Variants in LNX1 observed in about 807,000 individuals in gnomAD.
LNX1 encodes the protein E3 ubiquitin-protein ligase LNX.
In LNX1, 54 loss-of-function variants were observed where a neutral mutation model predicts 68.4. The ratio of observed to expected loss-of-function variants is 0.79; its 90% CI spans 0.63 to 0.99. The LOEUF (loss-of-function observed/expected upper bound fraction) is 0.99. LNX1 is among the 50% of genes least tolerant of loss of function. The pLI, the probability that LNX1 is intolerant of heterozygous loss-of-function variation, is 0.00. For synonymous variants in LNX1, 336 were observed against 350.0 expected (o/e 0.96, Z 0.45); for missense variants, 906 against 926.4 (o/e 0.98, Z 0.29).
At chr4:53,544,364 T>G (rs1728956762) in intron 2 of LNX1, among the ~76,000 whole-genome samples, 1 of 152,188 alleles carries the variant, frequency 6.6e-6, no homozygotes, top group African/African-American at 2.4e-5. Context: ...TGGCTAATTT[T>G]CTGCATTTTT....
intron 2 of LNX1, among the ~76,000 whole-genome samples, chr4:53,567,691 A>C (rs2109759781): frequency 6.6e-6 from 1 of 152,348 alleles, no homozygotes; most frequent in South Asian, 2.1e-4. Flanking sequence ...CCTTCAAAAA[A>C]TTGATGAATC....
intron 2 of LNX1, among the ~76,000 whole-genome samples, chr4:53,526,287 G>A (rs1560646139): frequency 6.6e-6 from 1 of 152,100 alleles, no homozygotes; most frequent in African/African-American, 2.4e-5. Flanking sequence ...TATGAATGTT[G>A]ATGTAAAATG....
upstream of LNX1, among the ~76,000 whole-genome samples, chr4:53,596,010 A>G (rs1462846821): frequency 1.3e-5 from 2 of 152,166 alleles, no homozygotes; most frequent in African/African-American, 2.4e-5. Flanking sequence ...ATTTAACATT[A>G]TGATTTGGAC....
rs748886508 is a variant in LNX1 at position 53,496,179 on chromosome 4, C to T, written c.1194G>A (p.Val398=). ...AAACCCCAGGCTCATCCACCTTGCG[C>T]ACCAGTTTTATTCCAAGCTGCTCCT... ...SPEEQLGIKL[V]RKVDEPGVFI... The change falls in exon 6 of 11, where the codon GTG becomes GTA. Residue 398 remains valine (V), a synonymous_variant. Coordinates refer to ENST00000263925, the MANE Select transcript of LNX1 (RefSeq NM_001126328.3). 36 of 1,614,046 alleles carry T rather than the reference C, an allele frequency of 2.2e-5. 1 individual carries two copies. The South Asian group carries it at 3.7e-4, about 17-fold the overall frequency.
rs1485067982 is a variant in LNX1, at chr4:53,469,947, T to C, written c.1892+6806A>G. Among the ~76,000 whole-genome samples the C allele has an allele frequency of 3.3e-5, 5 of 152,304 alleles. No homozygotes were observed. The East Asian group carries it at 9.7e-4, about 29-fold the overall frequency. ...GCTGGTACCATTCCTTCTGAAACTA[T>C]TCCAATCAATAGAAAAAGAGGGAAT... On this transcript the variant is annotated intron_variant, in intron 9 of 10. Coordinates refer to ENST00000263925, the MANE Select transcript of LNX1 (RefSeq NM_001126328.3).
chr4:53,472,932 T>G (rs1326023436), intron 9 of LNX1, among the ~76,000 whole-genome samples: 3 of 152,074 alleles, frequency 2.0e-5, no homozygotes, highest in Non-Finnish European at 4.4e-5. Context: ...AATAACTGAG[T>G]TTGCTAGTTT....
intron 10 of LNX1, 150 bp from the exon 11 acceptor site, chr4:53,461,192 C>T: frequency 1.3e-6 from 1 of 753,248 alleles, no homozygotes; most frequent in Admixed American, 3.2e-5. Context: ...CTCTTATTTA[C>T]ATTCTCCAAA....
upstream of LNX1, among the ~76,000 whole-genome samples, chr4:53,619,160 T>C (rs2590816): frequency 0.74 from 112,072 of 152,110 alleles, 41,620 homozygotes; most frequent in East Asian, 0.91. Context: ...TAACATTAGA[T>C]GGCCTTAATT....
At chr4:53,488,271 A>T (rs1724451242) in intron 6 of LNX1, among the ~76,000 whole-genome samples, 1 of 152,214 alleles carries the variant, frequency 6.6e-6, no homozygotes, top group African/African-American at 2.4e-5. Flanking sequence ...TAAATTTGCC[A>T]TCCTATTGCC....
intron 1 of LNX1, among the ~76,000 whole-genome samples, chr4:53,649,811 C>G (rs974462917): frequency 6.6e-6 from 1 of 152,178 alleles, no homozygotes; most frequent in Admixed American, 6.5e-5. Flanking sequence ...AAATTTATTG[C>G]TTGTCTGCTT....
intron 2 of LNX1, among the ~76,000 whole-genome samples, chr4:53,556,442 C>T (rs1336496876): frequency 1.3e-5 from 2 of 152,214 alleles, no homozygotes; most frequent in East Asian, 3.9e-4. Flanking sequence ...GTGACAGCAG[C>T]CCTAGGAAAC....
At chr4:53,651,246 C>T (rs576526870) in intron 1 of LNX1, among the ~76,000 whole-genome samples, 3 of 152,338 alleles carry the variant, frequency 2.0e-5, no homozygotes, top group Admixed American at 6.5e-5. Flanking sequence ...CAAGTCCACA[C>T]TTTATGTTGA....
chr4:53,579,224 A>G (rs1731678942), intron 1 of LNX1: 1 of 975,616 alleles, frequency 1.0e-6, no homozygotes, highest in Non-Finnish European at 1.2e-6. Flanking sequence ...AAGAAAGAGT[A>G]GTGGAGTGGA....
Position 53,496,060 on chromosome 4 carries a change from C to G in LNX1, c.1313G>C (p.Arg438Pro), listed in dbSNP as rs749787232. ...AGCCGCACTTTCTGGGCTGCCATATCGAAGATCATGTCCATTGATGGCTAA... is the reference window on the plus strand; with the variant it reads ...AGCCGCACTTTCTGGGCTGCCATATGGAAGATCATGTCCATTGATGGCTAA... ...RVLAINGHDL[R>P]YGSPESAAHL... Residue 438 changes from arginine (R) to proline (P), a missense_variant, in exon 6 of 11, where the codon CGA becomes CCA. Physicochemically the swap from Arg to Pro is moderately radical, Grantham distance 103. Coordinates refer to ENST00000263925, the MANE Select transcript of LNX1 (RefSeq NM_001126328.3). 1.2e-6 allele frequency: 2 copies of G among 1,613,978 alleles called. No homozygotes were observed. The highest frequency in any genetic ancestry group is 3.3e-5 in the Admixed American group (2 of 60,014).
At chr4:53,475,067 C>A (rs978644484) in intron 9 of LNX1, among the ~76,000 whole-genome samples, 22 of 50,728 alleles carry the variant, frequency 4.3e-4, no homozygotes, top group Non-Finnish European at 9.1e-4. Context: ...CACACCCAGC[C>A]CAGACTACTT....
Position 53,495,548 on chromosome 4 carries a change from C to CTTTTTTTTTTTTTTT in LNX1, c.1350+474_1350+475insAAAAAAAAAAAAAAA, listed in dbSNP as rs199684639. Among the ~76,000 whole-genome samples, 24 of 119,420 alleles carry CTTTTTTTTTTTTTTT rather than the reference C, an allele frequency of 2.0e-4. 1 individual carries two copies. Among genetic ancestry groups the CTTTTTTTTTTTTTTT allele is most frequent in the African/African-American group, 7.1e-4 (22 of 30,878 alleles). 78.3% of individuals were successfully genotyped at this position (119,420 alleles called of 152,430 possible). On this transcript the variant is annotated intron_variant, in intron 6 of 10. Coordinates refer to ENST00000263925, the MANE Select transcript of LNX1 (RefSeq NM_001126328.3). ...GATCCCTGGAGAATGCATGGCATAG[C>CTTTTTTTTTTTTTTT]TTTTTTTTTTTTTAAGATGGGTCTT...
chr4:53,636,179 CTTTTTTTTTTTTTT>C (rs11440722), intron 1 of LNX1, among the ~76,000 whole-genome samples: 1 of 85,226 alleles, frequency 1.2e-5, no homozygotes, highest in Non-Finnish European at 2.1e-5. Context: ...TCTATTACTC[CTTTTTTTTTTTTTT>C]TTTTTTTTTT....
chr4:53,497,308 A>G (rs988414118), intron 5 of LNX1, among the ~76,000 whole-genome samples: 37 of 152,214 alleles, frequency 2.4e-4, no homozygotes, highest in Non-Finnish European at 4.8e-4. Flanking sequence ...TTGAGGAAAG[A>G]GGCCCCATGG....
At chr4:53,577,586 T>G (rs1731575727) in intron 1 of LNX1, among the ~76,000 whole-genome samples, 1 of 152,100 alleles carries the variant, frequency 6.6e-6, no homozygotes. Flanking sequence ...ATTACTATTA[T>G]TATTATTTTT....
Sources: allele counts gnomAD v4.1 joint callset (sites outside exome capture counted in the v4.1 genomes callset), GRCh38; gene constraint gnomAD v4.1.1; transcripts MANE v1.5; gene names NCBI Gene and HGNC (gene_info 2026-07-23, HGNC 2026-07-21).